EPHA3: variants seen among roughly 807,000 people sequenced by gnomAD.
The protein encoded by EPHA3 is EPH receptor A3, also known as ephrin type-A receptor 3.
A neutral mutation model predicts 107.1 loss-of-function variants in EPHA3; 42 were observed. The ratio of observed to expected loss-of-function variants is 0.39; its 90% confidence interval spans 0.31 to 0.51. The LOEUF is 0.51. Ranked by LOEUF, EPHA3 falls within the 20% of genes least tolerant of loss-of-function variation. The pLI is 0.78. For missense variants in EPHA3, 1,183 were observed against 1,211.2 expected (o/e 0.98, Z 0.35); for synonymous variants, 461 against 424.8 (o/e 1.09, Z -1.05).
intron 5 of EPHA3, among the ~76,000 whole-genome samples, chr3:89,360,015 A>AT (rs34965091): frequency 6.7e-6 from 1 of 149,924 alleles, no homozygotes; most frequent in African/African-American, 2.4e-5. Context: ...TATTACCCTT[A>AT]TTTTTAGAAG....
Position 89,209,851 on chromosome 3 carries a change from A to T in EPHA3, c.154-9A>T. On this transcript the variant is annotated splice_polypyrimidine_tract_variant and intron_variant, in intron 2 of 16. Transcript: ENST00000336596. ...CTGCCTCACTCTCTGTTTCTCTTTGATTCTTCAGTGGGAAGAGATCAGTGG... is the reference window on the plus strand; with the variant it reads ...CTGCCTCACTCTCTGTTTCTCTTTGTTTCTTCAGTGGGAAGAGATCAGTGG... The T allele has an allele frequency of 6.4e-7, 1 of 1,571,948 alleles. No homozygotes were observed. The highest frequency in any genetic ancestry group is 8.6e-7 in the Non-Finnish European group (1 of 1,159,108).
In EPHA3 at chr3:89,379,963, A is replaced by G. The variant is rs78435869; in HGVS notation, c.1307-15874A>G. On this transcript the variant is annotated intron_variant, in intron 5 of 16. Transcript: ENST00000336596. ...AAGGGATCAACCTACACAACTTTCAATAGGACCTCTCTTTCTGCTTCAATT... is the reference window on the plus strand; with the variant it reads ...AAGGGATCAACCTACACAACTTTCAGTAGGACCTCTCTTTCTGCTTCAATT... Among the ~76,000 whole-genome samples, 1,435 of 152,248 alleles carry G rather than the reference A, an allele frequency of 9.4e-3. 15 individuals carry two copies. Among genetic ancestry groups the G allele is most frequent in the Middle Eastern group, 0.024 (7 of 294 alleles).
chr3:89,381,071 C>T (rs1326218575), intron 5 of EPHA3, among the ~76,000 whole-genome samples: 13 of 152,044 alleles, frequency 8.6e-5, no homozygotes, highest in Non-Finnish European at 1.2e-4. Flanking sequence ...CTCCTGGTTT[C>T]CCGCCATTCT....
chr3:89,218,486 A>G (rs910549791), intron 3 of EPHA3, among the ~76,000 whole-genome samples: 1 of 151,878 alleles, frequency 6.6e-6, no homozygotes, highest in African/African-American at 2.4e-5. Flanking sequence ...TTATGGCTGC[A>G]TAGTATTCCA....
Position 89,219,686 on chromosome 3 carries a change from A to ATGTGTTTTTTTTTGTTTTTT in EPHA3, c.814+9169_814+9170insGTTTTTTTTTGTTTTTTTGT. Among the ~76,000 whole-genome samples, 35 of 38,840 alleles carry ATGTGTTTTTTTTTGTTTTTT rather than the reference A, an allele frequency of 9.0e-4. 1 individual carries two copies. The highest frequency in any genetic ancestry group is 2.0e-3 in the African/African-American group (32 of 16,266). The allele number at this position is 38,840 out of a possible 152,430, so 25.5% of individuals were successfully genotyped here. Reference sequence around the variant, plus strand: ...TGTTACCTCCAAGAGGCATTTGGCAATGTTTTTTTTTTTTTTGTTTTTTGT... The same window carrying ATGTGTTTTTTTTTGTTTTTT: ...TGTTACCTCCAAGAGGCATTTGGCAATGTGTTTTTTTTTGTTTTTTTGTTTTTTTTTTTTTTGTTTTTTGT... On this transcript the variant is annotated intron_variant, in intron 3 of 16. Transcript: ENST00000336596.
chr3:89,266,424 T>C lies in EPHA3; in HGVS notation c.814+55904T>C, dbSNP rs575398710. Among the ~76,000 whole-genome samples, 125 of 152,280 alleles carry C rather than the reference T, an allele frequency of 8.2e-4. No homozygotes were observed. In the Middle Eastern group the frequency reaches 0.01, roughly 12 times the overall value. ...AATTTATCTTCACATTATTAGACTT[T>C]AAAGAGTTCTGTTTCACATTTTAGT... On this transcript the variant is annotated intron_variant, in intron 3 of 16. Transcript: ENST00000336596.
chr3:89,185,283 GA>G (rs936882134), intron 2 of EPHA3, among the ~76,000 whole-genome samples: 22 of 151,086 alleles, frequency 1.5e-4, no homozygotes, highest in South Asian at 4.2e-4. Flanking sequence ...TTAGAAATTA[GA>G]AAAAAAAAGT....
chr3:89,117,953 A>G (rs1264413602), intron 1 of EPHA3, among the ~76,000 whole-genome samples: 1 of 152,046 alleles, frequency 6.6e-6, no homozygotes, highest in Non-Finnish European at 1.5e-5. Flanking sequence ...ATCATAGAAA[A>G]CTAGAACTAG....
intron 3 of EPHA3, among the ~76,000 whole-genome samples, chr3:89,299,594 C>CATT (rs1166424075): frequency 6.6e-6 from 1 of 151,964 alleles, no homozygotes; most frequent in Non-Finnish European, 1.5e-5. Context: ...ATCACTACAG[C>CATT]ATTATTATCA....
intron 13 of EPHA3, among the ~76,000 whole-genome samples, chr3:89,439,868 C>T (rs1030076641): frequency 1.3e-5 from 2 of 151,944 alleles, no homozygotes; most frequent in Non-Finnish European, 1.5e-5. Flanking sequence ...CATGAGAGTC[C>T]GAAAGTAACA....
intron 3 of EPHA3, among the ~76,000 whole-genome samples, chr3:89,245,566 T>C (rs1270454629): frequency 1.3e-5 from 2 of 152,242 alleles, no homozygotes; most frequent in Non-Finnish European, 2.9e-5. Context: ...ATTCCTTATG[T>C]TGATTGTTCT....
At position 89,429,142 on chromosome 3, in the gene EPHA3, A is replaced by G. The variant is rs753707496; in HGVS notation, c.2111A>G (p.Asn704Ser). Residue 704 changes from asparagine (N) to serine (S), a missense_variant, in exon 12 of 17, where the codon AAT (asparagine) becomes AGT (serine). Coordinates refer to ENST00000336596, the MANE Select transcript of EPHA3 (RefSeq NM_005233.6). ...PVMIVTEYME[N>S]GSLDSFLRKH... ...ATGATTGTCACAGAATACATGGAGA[A>G]TGGTTCCTTGGATAGTTTCCTACGT... is the stretch of plus-strand genomic sequence containing the variant. 5 of 1,610,940 alleles carry G rather than the reference A, an allele frequency of 3.1e-6. No homozygotes were observed. Among genetic ancestry groups the G allele is most frequent in the Non-Finnish European group, 3.4e-6 (4 of 1,177,836 alleles).
chr3:89,223,009 C>G (rs548065432), intron 3 of EPHA3, among the ~76,000 whole-genome samples: 1 of 152,214 alleles, frequency 6.6e-6, no homozygotes, highest in South Asian at 2.1e-4. Context: ...AGTCTTTTAA[C>G]CTTTACAAAA....
chr3:89,173,977 G>A (rs1705263686), intron 2 of EPHA3, among the ~76,000 whole-genome samples: 2 of 151,938 alleles, frequency 1.3e-5, no homozygotes, highest in African/African-American at 4.8e-5. Context: ...AATCACACGT[G>A]TGTCTTTTGG....
At chr3:89,166,969 A>C (rs1272731414) in intron 2 of EPHA3, among the ~76,000 whole-genome samples, 1 of 152,178 alleles carries the variant, frequency 6.6e-6, no homozygotes, top group Non-Finnish European at 1.5e-5. Context: ...CATTCCTGCA[A>C]ATTGCCCCAT....
chr3:89,275,603 A>G (rs1357706809), intron 3 of EPHA3, among the ~76,000 whole-genome samples: 1 of 152,100 alleles, frequency 6.6e-6, no homozygotes, highest in African/African-American at 2.4e-5. Context: ...ACCCATTTAC[A>G]AATGTGCTCA....
rs75665637 is a variant in EPHA3, at chr3:89,395,593, G to T, written c.1307-244G>T. Among the ~76,000 whole-genome samples, 421 of 152,232 alleles carry T rather than the reference G, an allele frequency of 2.8e-3. 24 individuals carry two copies. The East Asian group carries it at 0.077, about 28-fold the overall frequency. The stretch of plus-strand genomic sequence containing the variant: ...TTGCCACTAGTCCACCAGCAGCAGA[G>T]AATCTCAGCACATTTTCCCTAGGCC... On this transcript the variant is annotated intron_variant, in intron 5 of 16. Coordinates refer to ENST00000336596, the MANE Select transcript of EPHA3 (RefSeq NM_005233.6).
At chr3:89,197,735 G>A (rs1705871152) in intron 2 of EPHA3, among the ~76,000 whole-genome samples, 2 of 152,086 alleles carry the variant, frequency 1.3e-5, no homozygotes, top group Admixed American at 6.5e-5. Flanking sequence ...CAGCACTTTG[G>A]GATGCCAAGA....
chr3:89,186,818 G>A (rs542115049), intron 2 of EPHA3, among the ~76,000 whole-genome samples: 1 of 152,128 alleles, frequency 6.6e-6, no homozygotes, highest in African/African-American at 2.4e-5. Flanking sequence ...TAGAAATATA[G>A]CATTTCAAAG....
Sources: allele counts gnomAD v4.1 joint callset (sites outside exome capture counted in the v4.1 genomes callset), GRCh38; gene constraint gnomAD v4.1.1; transcripts MANE v1.5; gene names NCBI Gene and HGNC (gene_info 2026-07-23, HGNC 2026-07-21).